The following KCND2 variants were observed in gnomAD, a reference collection of about 807,000 sequenced individuals.
KCND2 encodes potassium voltage-gated channel subfamily D member 2.
In KCND2, 16 loss-of-function variants were observed where a neutral mutation model predicts 54.4. The observed-to-expected ratio is 0.29, with a 90% CI of 0.20 to 0.45. The LOEUF (loss-of-function observed/expected upper bound fraction) is 0.45, where lower values mean the gene tolerates loss of function less well. KCND2 is among the 20% of genes least tolerant of loss of function. KCND2 has a pLI of 1.00. For missense variants in KCND2, 486 were observed against 824.2 expected (o/e 0.59, Z 5.02); for synonymous variants, 317 against 310.7 (o/e 1.02, Z -0.21).
intron 1 of KCND2, among the ~76,000 whole-genome samples, chr7:120,705,680 G>T (rs866725494): frequency 1.3e-5 from 2 of 152,088 alleles, no homozygotes; most frequent in Non-Finnish European, 2.9e-5. Flanking sequence ...GGATTTTCCT[G>T]GTTGCCAGGA....
intron 1 of KCND2, among the ~76,000 whole-genome samples, chr7:120,543,257 T>C (rs1792003847): frequency 6.6e-6 from 1 of 151,940 alleles, no homozygotes; most frequent in Admixed American, 6.6e-5. Context: ...TGGCTACTTC[T>C]GTCTCCTTCT....
Position 120,273,360 on chromosome 7 carries a change from G to T in KCND2, c.-1273G>T, listed in dbSNP as rs1044302143. ...CTTCTGCCTCCGCGCTCGGACGAGA[G>T]CCCGTGCCGGCCCCGGCCCCGGCCC... On this transcript the variant is annotated 5_prime_UTR_variant, in exon 1 of 6. Coordinates refer to ENST00000331113, the MANE Select transcript of KCND2 (RefSeq NM_012281.3). Among the ~76,000 whole-genome samples, 25 of 148,928 alleles carry T rather than the reference G, an allele frequency of 1.7e-4. No homozygotes were observed. The highest frequency in any genetic ancestry group is 5.1e-4 in the African/African-American group (21 of 41,192).
At chr7:120,437,204 C>CTT (rs66518858) in intron 1 of KCND2, among the ~76,000 whole-genome samples, 10 of 130,368 alleles carry the variant, frequency 7.7e-5, no homozygotes, top group Admixed American at 8.1e-5. Context: ...CAATATACAA[C>CTT]TTTTTTTTTT....
intron 1 of KCND2, among the ~76,000 whole-genome samples, chr7:120,583,500 T>A (rs1792546428): frequency 1.3e-5 from 2 of 152,256 alleles, no homozygotes; most frequent in East Asian, 1.9e-4. Flanking sequence ...CTCACAGTTC[T>A]GGAGAAAATG....
At chr7:120,574,106 T>G (rs1345093510) in intron 1 of KCND2, among the ~76,000 whole-genome samples, 3 of 152,214 alleles carry the variant, frequency 2.0e-5, no homozygotes, top group African/African-American at 7.2e-5. Flanking sequence ...CTAGAAAACG[T>G]TAAGGTTTAA....
intron 1 of KCND2, among the ~76,000 whole-genome samples, chr7:120,700,570 A>G (rs1792387843): frequency 6.6e-6 from 1 of 152,234 alleles, no homozygotes; most frequent in South Asian, 2.1e-4. Flanking sequence ...ATAATCATCA[A>G]AACATTATGG....
At chr7:120,346,684 T>C (rs998372087) in intron 1 of KCND2, among the ~76,000 whole-genome samples, 3 of 152,086 alleles carry the variant, frequency 2.0e-5, no homozygotes, top group African/African-American at 7.2e-5. Context: ...TCTCTCTCTC[T>C]GTCTCTTTCT....
intron 1 of KCND2, among the ~76,000 whole-genome samples, chr7:120,723,384 T>C (rs1166154319): frequency 1.3e-5 from 2 of 152,160 alleles, no homozygotes; most frequent in Non-Finnish European, 2.9e-5. Context: ...TTCAGATAAT[T>C]GCCAGTGCTC....
At chr7:120,431,734 G>T (rs897636768) in intron 1 of KCND2, among the ~76,000 whole-genome samples, 1 of 152,076 alleles carries the variant, frequency 6.6e-6, no homozygotes, top group Non-Finnish European at 1.5e-5. Context: ...ATCTAACCCA[G>T]CATTTGAATT....
At chr7:120,413,430 A>G (rs1361808334) in intron 1 of KCND2, among the ~76,000 whole-genome samples, 2 of 152,002 alleles carry the variant, frequency 1.3e-5, no homozygotes, top group Non-Finnish European at 2.9e-5. Context: ...GTATATTATT[A>G]GAAAAAAATG....
intron 1 of KCND2, among the ~76,000 whole-genome samples, chr7:120,339,687 G>T (rs558792683): frequency 2.6e-5 from 4 of 152,080 alleles, no homozygotes; most frequent in African/African-American, 9.7e-5. Context: ...ACACACGTGC[G>T]CACATAGACA....
chr7:120,449,451 A>G (rs1426911437), intron 1 of KCND2, among the ~76,000 whole-genome samples: 1 of 152,242 alleles, frequency 6.6e-6, no homozygotes, highest in African/African-American at 2.4e-5. Flanking sequence ...AAAATCATTT[A>G]AGGAGATTTT....
intron 1 of KCND2, among the ~76,000 whole-genome samples, chr7:120,367,138 T>C (rs573255225): frequency 1.3e-5 from 2 of 152,258 alleles, no homozygotes; most frequent in Admixed American, 6.5e-5. Context: ...ATAAGGTGGT[T>C]GTCATACACC....
chr7:120,372,368 G>C (rs189961738), intron 1 of KCND2, among the ~76,000 whole-genome samples: 54 of 151,768 alleles, frequency 3.6e-4, no homozygotes, highest in African/African-American at 1.3e-3. Context: ...AAAAAAAAAT[G>C]CAGAATTCTC....
chr7:120,724,939 A>G lies in KCND2; in HGVS notation c.1116-7964A>G, dbSNP rs546971834. ...CATAAAATATTCTGTAAAGGAGACT[A>G]TATAGTCTTTTACTGATGACATTCA... On this transcript the variant is annotated intron_variant, in intron 1 of 5. Transcript: ENST00000331113. Among the ~76,000 whole-genome samples, 10 of 152,322 alleles carry G rather than the reference A, an allele frequency of 6.6e-5. No individual in the cohort carries two copies. In the East Asian group the frequency reaches 1.9e-3, roughly 29 times the overall value.
At chr7:120,661,089 C>A (rs1374321076) in intron 1 of KCND2, among the ~76,000 whole-genome samples, 1 of 151,920 alleles carries the variant, frequency 6.6e-6, no homozygotes, top group African/African-American at 2.4e-5. Context: ...AACATCATAC[C>A]CAATAGGGTT....
intron 1 of KCND2, among the ~76,000 whole-genome samples, chr7:120,278,868 AT>A (rs571850677): frequency 2.0e-5 from 3 of 151,716 alleles, no homozygotes; most frequent in East Asian, 1.9e-4. Flanking sequence ...TAATGTCAGA[AT>A]TTTTTTTAAG....
intron 1 of KCND2, among the ~76,000 whole-genome samples, chr7:120,553,599 C>A (rs1396089672): frequency 6.6e-6 from 1 of 152,126 alleles, no homozygotes; most frequent in Non-Finnish European, 1.5e-5. Context: ...TATACTGTTT[C>A]TGCTGCTACA....
rs1434568089 is a variant in KCND2 at position 120,351,378 on chromosome 7, A to G, written c.1115+75631A>G. Among the ~76,000 whole-genome samples the G allele has an allele frequency of 3.3e-5, 4 of 121,628 alleles. No individual in the cohort carries two copies. The East Asian group carries it at 8.3e-4, about 25-fold the overall frequency. 79.8% of individuals were successfully genotyped at this position (121,628 alleles called of 152,430 possible). A position where few individuals can be genotyped will look rare whatever the true frequency, so the allele number is the denominator to read the frequency against. Reference sequence around the variant, plus strand: ...AATCGAAGAGCATACACACACACACACACACACACACACACACACACACAC... The same window carrying G: ...AATCGAAGAGCATACACACACACACGCACACACACACACACACACACACAC... On this transcript the variant is annotated intron_variant, in intron 1 of 5. Transcript: ENST00000331113.
Sources: allele counts gnomAD v4.1 joint callset (sites outside exome capture counted in the v4.1 genomes callset), GRCh38; gene constraint gnomAD v4.1.1; transcripts MANE v1.5; gene names NCBI Gene and HGNC (gene_info 2026-07-23, HGNC 2026-07-21).